The following CCM2 variants were observed in gnomAD, a reference collection of about 807,000 sequenced individuals.
CCM2 encodes the protein CCM2 scaffold protein.
A neutral mutation model predicts 44.9 loss-of-function variants in CCM2; 25 were observed. The ratio of observed to expected loss-of-function variants is 0.56; its 90% CI spans 0.41 to 0.78. The LOEUF is 0.78. Ranked by LOEUF, CCM2 falls within the 30% of genes least tolerant of loss-of-function variation. The pLI is 0.00. For missense variants in CCM2, 481 were observed against 580.6 expected (o/e 0.83, Z 1.76); for synonymous variants, 219 against 241.1 (o/e 0.91, Z 0.85).
At chr7:45,011,995 C>T (rs1180066014) in intron 1 of CCM2, among the ~76,000 whole-genome samples, 2 of 150,060 alleles carry the variant, frequency 1.3e-5, no homozygotes, top group African/African-American at 4.9e-5. Flanking sequence ...TCCAGCTAAT[C>T]CTGTCAGTTA....
intron 7 of CCM2, 107 bp downstream of exon 7, chr7:45,072,890 C>A: frequency 1.1e-6 from 1 of 929,332 alleles, no homozygotes; most frequent in Non-Finnish European, 1.7e-6. Flanking sequence ...CTCACCCTCG[C>A]TAAGCCATCC....
chr7:45,034,114 C>G (rs1797095719), intron 1 of CCM2, among the ~76,000 whole-genome samples: 1 of 152,164 alleles, frequency 6.6e-6, no homozygotes, highest in Non-Finnish European at 1.5e-5. Context: ...TAGGGACATC[C>G]TGTCTTCACT....
Position 45,075,973 on chromosome 7 carries a change from G to A in CCM2, c.1251G>A (p.Glu417=). 6.2e-7 allele frequency: 1 copy of A among 1,613,196 alleles called. No homozygotes were observed. The highest frequency in any genetic ancestry group is 2.2e-5 in the East Asian group (1 of 44,880). Reference sequence around the variant, plus strand: ...CTGATGACCGGTCGGCACCCTCAGAGGGGGATGAGTGGGACCGCATGATCT... The same window carrying A: ...CTGATGACCGGTCGGCACCCTCAGAAGGGGATGAGTGGGACCGCATGATCT... ...GSSDDRSAPS[E]GDEWDRMISD... is the part of the protein sequence containing the mutation. The change falls in exon 10 of 10, where the codon GAG becomes GAA. Residue 417 remains glutamate, a synonymous_variant. Transcript: ENST00000258781.
chr7:45,059,340 T>A (rs979281380), intron 2 of CCM2, among the ~76,000 whole-genome samples: 2 of 151,310 alleles, frequency 1.3e-5, no homozygotes, highest in Non-Finnish European at 2.9e-5. Context: ...CCCAGCACTT[T>A]GGGAGGCCAA....
At chr7:45,070,414 T>A (rs1415415785) in intron 6 of CCM2, 8 of 455,804 alleles carry the variant, frequency 1.8e-5, no homozygotes. Flanking sequence ...CATGGGAAGC[T>A]GCTCAGGCTG....
intron 1 of CCM2, among the ~76,000 whole-genome samples, chr7:45,030,764 C>T (rs769230496): frequency 6.6e-6 from 1 of 152,026 alleles, no homozygotes; most frequent in Non-Finnish European, 1.5e-5. Flanking sequence ...CACTCTGTCA[C>T]CCAGGCTGGA....
At chr7:45,017,161 A>G (rs1400146987) in intron 1 of CCM2, among the ~76,000 whole-genome samples, 1 of 152,224 alleles carries the variant, frequency 6.6e-6, no homozygotes, top group African/African-American at 2.4e-5. Context: ...TTTGGTGTAT[A>G]GATTATTTCA....
At chr7:45,066,935 G>T (rs1212659529) in intron 4 of CCM2, among the ~76,000 whole-genome samples, 3 of 149,082 alleles carry the variant, frequency 2.0e-5, no homozygotes, top group Non-Finnish European at 3.0e-5. Context: ...GAGTCTCGCT[G>T]TGTTGCCCAG....
At chr7:45,066,630 T>C (rs1365930739) in intron 4 of CCM2, among the ~76,000 whole-genome samples, 2 of 152,180 alleles carry the variant, frequency 1.3e-5, no homozygotes. Context: ...CTAGCTGCAA[T>C]AGGGTCCATG....
In CCM2 at chr7:45,068,536, C is replaced by G. The variant is rs1288819770; in HGVS notation, c.566C>G (p.Pro189Arg). 1 of 1,614,032 alleles carries G rather than the reference C, an allele frequency of 6.2e-7. No homozygotes were observed. Among genetic ancestry groups the G allele is most frequent in the Non-Finnish European group, 8.5e-7 (1 of 1,180,022 alleles). ...TCCCTGTCGGAGAGTGCAGTTGGGC[C>G]CGTGGAGGCATGCTGCCTGGTCATC... is the stretch of plus-strand genomic sequence containing the variant. ...AGSLSESAVG[P>R]VEACCLVILA... Residue 189 changes from proline (P) to arginine (R), a missense_variant, in exon 5 of 10, where the codon CCC becomes CGC. Physicochemically the swap from Pro to Arg is moderately radical, Grantham distance 103. Coordinates refer to ENST00000258781, the MANE Select transcript of CCM2 (RefSeq NM_031443.4).
intron 2 of CCM2, among the ~76,000 whole-genome samples, chr7:45,050,429 ACTTGAACATCTG>A (rs1281851962): frequency 6.6e-6 from 1 of 152,230 alleles, no homozygotes; most frequent in Non-Finnish European, 1.5e-5. Context: ...TGTATGAGGA[ACTTGAACATCTG>A]CAGATTTTGG....
chr7:45,034,402 G>A (rs1247887275), intron 1 of CCM2, among the ~76,000 whole-genome samples: 2 of 151,552 alleles, frequency 1.3e-5, no homozygotes, highest in Non-Finnish European at 2.9e-5. Context: ...AAGTAGTGAC[G>A]GGGTTTCACC....
intron 1 of CCM2, among the ~76,000 whole-genome samples, chr7:45,023,787 G>GTTTTTTTTTTTTTTTTTTTTTTT (rs10596429): frequency 3.4e-5 from 2 of 58,616 alleles, no homozygotes; most frequent in Admixed American, 2.4e-4. Flanking sequence ...CTCTGTATCA[G>GTTTTTTTTTTTTTTTTTTTTTTT]TTTTTTTTTT....
chr7:45,019,191 C>A (rs1403736050), intron 1 of CCM2, among the ~76,000 whole-genome samples: 1 of 151,842 alleles, frequency 6.6e-6, no homozygotes, highest in Non-Finnish European at 1.5e-5. Context: ...CCTGCCTCAG[C>A]CTCCTGAGTA....
At chr7:45,010,086 T>C (rs149998401) in intron 1 of CCM2, among the ~76,000 whole-genome samples, 1 of 152,116 alleles carries the variant, frequency 6.6e-6, no homozygotes, top group Non-Finnish European at 1.5e-5. Context: ...ATTTTTTTTA[T>C]TTTTTGTAGA....
Position 45,056,374 on chromosome 7 carries a change from G to T in CCM2, c.205-7544G>T, listed in dbSNP as rs538168098. Among the ~76,000 whole-genome samples, 5 of 152,164 alleles carry T rather than the reference G, an allele frequency of 3.3e-5. No homozygotes were observed. The South Asian group carries it at 6.2e-4, about 19-fold the overall frequency. ...TTCCCTTTTTTAAATAGCCATCTAGGCTGGGTGTGGTGGCTCACGCCTGTA... is the reference window on the plus strand; with the variant it reads ...TTCCCTTTTTTAAATAGCCATCTAGTCTGGGTGTGGTGGCTCACGCCTGTA... On this transcript the variant is annotated intron_variant, in intron 2 of 9. Transcript: ENST00000258781.
At chr7:45,038,893 G>A (rs1217034980) in intron 2 of CCM2, among the ~76,000 whole-genome samples, 1 of 152,212 alleles carries the variant, frequency 6.6e-6, no homozygotes, top group East Asian at 1.9e-4. Flanking sequence ...CATGTGACGT[G>A]CATAAGTTGA....
chr7:45,064,480 G>A lies in CCM2; in HGVS notation c.306G>A (p.Pro102=), dbSNP rs1798671801. The A allele has an allele frequency of 3.7e-6, 6 of 1,613,306 alleles. No homozygotes were observed. Among genetic ancestry groups the A allele is most frequent in the South Asian group, 1.1e-5 (1 of 91,034 alleles). ...IDNAKRAHQL[P]GHLTQEHDAV... Reference sequence around the variant, plus strand: ...CCTTCCAGAGAGCCCACCAGCTTCCGGGACACTTGACTCAGGAGCACGATG... The same window carrying A: ...CCTTCCAGAGAGCCCACCAGCTTCCAGGACACTTGACTCAGGAGCACGATG... Residue 102 remains proline (P), a synonymous_variant, in exon 4 of 10, where the codon CCG becomes CCA. Coordinates refer to ENST00000258781, the MANE Select transcript of CCM2 (RefSeq NM_031443.4).
At chr7:45,053,408 C>T (rs554411726) in intron 2 of CCM2, among the ~76,000 whole-genome samples, 12 of 152,366 alleles carry the variant, frequency 7.9e-5, no homozygotes, top group Middle Eastern at 6.8e-3. Flanking sequence ...CCTTAGCCTT[C>T]TGCTTATTCC....
Sources: allele counts gnomAD v4.1 joint callset (sites outside exome capture counted in the v4.1 genomes callset), GRCh38; gene constraint gnomAD v4.1.1; transcripts MANE v1.5; gene names NCBI Gene and HGNC (gene_info 2026-07-23, HGNC 2026-07-21).